YARS1: variants seen among roughly 807,000 people sequenced by gnomAD.
YARS1 encodes the protein tyrosine--tRNA ligase, cytoplasmic.
In YARS1, 36 loss-of-function variants were observed where a neutral mutation model predicts 62.2. The observed-to-expected ratio is 0.58, with a 90% confidence interval of 0.44 to 0.76. The LOEUF is 0.76. Ranked by LOEUF, YARS1 falls within the 30% of genes least tolerant of loss-of-function variation. The pLI is 0.00. For synonymous variants in YARS1, 234 were observed against 244.9 expected, an observed-to-expected ratio of 0.96 and a Z score of 0.42; for missense variants, 524 against 639.8, an observed-to-expected ratio of 0.82 and a Z score of 1.95.
In YARS1 at chr1:32,775,582, C is replaced by T. The variant is rs890588915; in HGVS notation, c.*399G>A. On this transcript the variant is annotated 3_prime_UTR_variant, in exon 13 of 13. Transcript: ENST00000373477. Reference sequence around the variant, plus strand: ...CTGTTGGGGAGAAGCTGTAATTAGCCTAGTCCAGGTACCAGATCCCAGCTA... The same window carrying T: ...CTGTTGGGGAGAAGCTGTAATTAGCTTAGTCCAGGTACCAGATCCCAGCTA... The T allele has an allele frequency of 6.1e-5, 13 of 214,776 alleles. No homozygotes were observed. Among genetic ancestry groups the T allele is most frequent in the Non-Finnish European group, 9.5e-5 (10 of 104,984 alleles). The allele number at this position is 214,776 out of a possible 1,614,324, so 13.3% of individuals were successfully genotyped here. A position where few individuals can be genotyped will look rare whatever the true frequency, so the allele number is the denominator to read the frequency against.
chr1:32,781,442 G>C, intron 9 of YARS1: 1 of 400,180 alleles, frequency 2.5e-6, no homozygotes, highest in Non-Finnish European at 4.7e-6. Flanking sequence ...GTCTTGGCCA[G>C]GTGTGGTAGC....
intron 10 of YARS1, 168 bp from the exon 11 acceptor site, chr1:32,780,446 C>T (rs1653016284): frequency 1.4e-6 from 1 of 731,476 alleles, no homozygotes; most frequent in South Asian, 1.6e-5. Context: ...GGAGAATGGG[C>T]TCTGATGGTA....
intron 6 of YARS1, among the ~76,000 whole-genome samples, chr1:32,787,714 C>T (rs915372501): frequency 3.3e-5 from 5 of 151,920 alleles, no homozygotes; most frequent in Non-Finnish European, 4.4e-5. Flanking sequence ...AGGGTTTCAC[C>T]GTGGTAGCCA....
chr1:32,808,783 C>T (rs1158698167), intron 3 of YARS1, among the ~76,000 whole-genome samples: 1 of 152,162 alleles, frequency 6.6e-6, no homozygotes, highest in African/African-American at 2.4e-5. Flanking sequence ...ATTGAAACCC[C>T]CCGCTTCCTG....
chr1:32,786,246 A>G (rs1653222561), intron 8 of YARS1, 116 bp downstream of exon 8: 1 of 1,059,036 alleles, frequency 9.4e-7, no homozygotes, highest in East Asian at 2.6e-5. Flanking sequence ...GTAGAGCAAA[A>G]ATAGCAGGCA....
intron 1 of YARS1, among the ~76,000 whole-genome samples, chr1:32,812,744 G>A (rs1569781369): frequency 6.6e-6 from 1 of 152,022 alleles, no homozygotes; most frequent in Admixed American, 6.6e-5. Flanking sequence ...AGGCCAAGGC[G>A]GGCAGATCAT....
intron 4 of YARS1, among the ~76,000 whole-genome samples, chr1:32,805,236 AGGG>A (rs1638428716): frequency 1.3e-4 from 1 of 7,538 alleles, no homozygotes; most frequent in African/African-American, 5.4e-4. Context: ...AGAGGGGGAG[AGGG>A]GGAGAGGGGG....
intron 5 of YARS1, among the ~76,000 whole-genome samples, chr1:32,794,831 C>G (rs1405843576): frequency 6.6e-6 from 1 of 151,450 alleles, no homozygotes; most frequent in Non-Finnish European, 1.5e-5. Context: ...CATGGTGAAA[C>G]CCCATCTCTA....
rs538970943 is a variant in YARS1, at chr1:32,811,189, G to T, written c.58-132C>A. On this transcript the variant is annotated intron_variant, in intron 1 of 12. Transcript: ENST00000373477. Reference sequence around the variant, plus strand: ...AGAGCCATCAAGGAGGTCCAGCCATGTTCTCAGTGCAGATGTGATACCCTA... The same window carrying T: ...AGAGCCATCAAGGAGGTCCAGCCATTTTCTCAGTGCAGATGTGATACCCTA... 9.0e-6 allele frequency: 12 copies of T among 1,336,266 alleles called. No individual in the cohort carries two copies. The South Asian group carries it at 1.4e-4, about 16-fold the overall frequency. 82.8% of individuals were successfully genotyped at this position (1,336,266 alleles called of 1,614,324 possible). A position where few individuals can be genotyped will look rare whatever the true frequency, so the allele number is the denominator to read the frequency against.
chr1:32,799,349 G>A (rs1449479260), intron 4 of YARS1, among the ~76,000 whole-genome samples: 1 of 152,088 alleles, frequency 6.6e-6, no homozygotes, highest in African/African-American at 2.4e-5. Context: ...TTAAGGAGAG[G>A]AGAAATATGA....
intron 6 of YARS1, 77 bp downstream of exon 6, chr1:32,791,085 G>A: frequency 7.6e-7 from 1 of 1,316,128 alleles, no homozygotes; most frequent in South Asian, 1.2e-5. Flanking sequence ...AGTTAGCCAG[G>A]TCACTGTTCT....
At chr1:32,796,670 A>AT (rs1653593922) in intron 5 of YARS1, among the ~76,000 whole-genome samples, 1 of 151,802 alleles carries the variant, frequency 6.6e-6, no homozygotes, top group South Asian at 2.1e-4. Context: ...GCCCTCAAAA[A>AT]ATTTATATTG....
intron 3 of YARS1, among the ~76,000 whole-genome samples, chr1:32,809,164 G>C (rs375711305): frequency 6.6e-6 from 1 of 151,402 alleles, no homozygotes; most frequent in Non-Finnish European, 1.5e-5. Context: ...TCCACTCACC[G>C]CAACCTCCAC....
At chr1:32,780,361 G>A in intron 10 of YARS1, 83 bp from the exon 11 acceptor site, 1 of 1,532,100 alleles carries the variant, frequency 6.5e-7, no homozygotes, top group Non-Finnish European at 9.0e-7. Flanking sequence ...CCGGAAAGGA[G>A]CATCCACTCC....
At chr1:32,782,301 C>A (rs1653085258) in intron 9 of YARS1, 103 bp downstream of exon 9, 1 of 1,592,840 alleles carries the variant, frequency 6.3e-7, no homozygotes, top group Non-Finnish European at 8.6e-7. Context: ...GCACTTCAGA[C>A]CCCCTGGGTT....
At chr1:32,793,632 C>T (rs1475290685) in intron 5 of YARS1, among the ~76,000 whole-genome samples, 1 of 152,106 alleles carries the variant, frequency 6.6e-6, no homozygotes, top group Non-Finnish European at 1.5e-5. Flanking sequence ...AAGCAAGACC[C>T]TGTCTCAAAG....
chr1:32,805,443 T>C (rs1638437734), intron 4 of YARS1, among the ~76,000 whole-genome samples: 1 of 152,176 alleles, frequency 6.6e-6, no homozygotes. Flanking sequence ...GGTTTCATCT[T>C]CTATCCAGAG....
In YARS1 at chr1:32,817,354, C is replaced by T. The variant is rs748353138; in HGVS notation, c.-110G>A. 371 of 1,419,554 alleles carry T rather than the reference C, an allele frequency of 2.6e-4. 1 individual carries two copies. The highest frequency in any genetic ancestry group is 3.5e-4 in the Non-Finnish European group (355 of 1,018,760). The allele number at this position is 1,419,554 out of a possible 1,614,324, so 87.9% of individuals were successfully genotyped here. ...TCACGCGAGTCCAGCCAGGTTGCATCAGCTGGGCTCGGCGCTCCGCTTACT... is the reference window on the plus strand; with the variant it reads ...TCACGCGAGTCCAGCCAGGTTGCATTAGCTGGGCTCGGCGCTCCGCTTACT... On this transcript the variant is annotated 5_prime_UTR_variant, in exon 1 of 13. Coordinates refer to ENST00000373477, the MANE Select transcript of YARS1 (RefSeq NM_003680.4).
At chr1:32,779,973 G>T in intron 11 of YARS1, 112 bp downstream of exon 11, 1 of 1,302,074 alleles carries the variant, frequency 7.7e-7, no homozygotes, top group Non-Finnish European at 1.1e-6. Context: ...GCAAGGAAGA[G>T]GCACGTGTTC....
Sources: gnomAD v4.1 joint callset for allele counts (sites outside exome capture counted in the v4.1 genomes callset) on GRCh38, gnomAD v4.1.1 for gene constraint, MANE v1.5 for transcripts, NCBI Gene and HGNC (gene_info 2026-07-23, HGNC 2026-07-21) for gene names.